The following BCAP29 variants were observed in gnomAD, a reference collection of about 807,000 sequenced individuals.
BCAP29 encodes B cell receptor associated protein 29, also known as B-cell receptor-associated protein 29.
Under a neutral mutation model 31.8 loss-of-function variants are expected in BCAP29, and 34 were observed. The observed-to-expected ratio is 1.07, with a 90% CI of 0.81 to 1.42. The LOEUF (loss-of-function observed/expected upper bound fraction) is 1.42, where lower values mean the gene tolerates loss of function less well. BCAP29 is among the 40% of genes most tolerant of loss of function. The probability of loss-of-function intolerance (pLI) is 0.00; values close to 1 mark genes in which losing one functional copy is unlikely to be tolerated. For synonymous variants in BCAP29, 104 were observed against 91.3 expected, an observed-to-expected ratio of 1.14 and a Z score of -0.79; for missense variants, 314 against 269.2, an observed-to-expected ratio of 1.17 and a Z score of -1.16.
intron 6 of BCAP29, among the ~76,000 whole-genome samples, chr7:107,606,310 A>G (rs1812082603): frequency 1.3e-5 from 2 of 152,368 alleles, no homozygotes; most frequent in African/African-American, 2.4e-5. Context: ...AATGTCTATT[A>G]TATAGCTCCA....
At chr7:107,612,397 ATATATATATATATATATATATATATAT>A (rs1813306932) in intron 6 of BCAP29, among the ~76,000 whole-genome samples, 2 of 18,980 alleles carry the variant, frequency 1.1e-4, no homozygotes, top group African/African-American at 2.7e-4. Context: ...TGTTTTATAT[ATATATATATATATATATATATATATAT>A]ATATATATAT....
rs192562234 is a variant in BCAP29 at position 107,619,805 on chromosome 7, A to G, written c.*1442A>G. ...ATAGATATTGAGTGCTTGGAATCCT[A>G]GCCTACTATGTGAAAATTAAGTCTA... On this transcript the variant is annotated 3_prime_UTR_variant, in exon 8 of 8. Transcript: ENST00000005259. 2.0e-5 allele frequency: 3 copies of G among 152,326 alleles called. No homozygotes were observed. The highest frequency in any genetic ancestry group is 4.4e-5 in the Non-Finnish European group (3 of 68,016). 9.4% of individuals were successfully genotyped at this position (152,326 alleles called of 1,614,324 possible).
chr7:107,603,753 G>A (rs146138583), intron 6 of BCAP29, among the ~76,000 whole-genome samples: 262 of 151,654 alleles, frequency 1.7e-3, no homozygotes, highest in African/African-American at 6.0e-3. Context: ...CTACATGTGT[G>A]CACCACCATG....
intron 6 of BCAP29, among the ~76,000 whole-genome samples, chr7:107,612,859 A>G (rs2395907): frequency 0.75 from 114,166 of 151,912 alleles, 43,213 homozygotes; most frequent in African/African-American, 0.85. Flanking sequence ...TGATAATGGT[A>G]GGGAATTATT....
rs1038192846 is a variant in BCAP29 at position 107,582,772 on chromosome 7, ACAC to A, written c.93-1106_93-1104del. ...TGAGAGATCTCTTACATTCCCTTTT[ACAC>A]CACACCAAACCTTGAAGAAATAAGT... is the stretch of plus-strand genomic sequence containing the variant. On this transcript the variant is annotated intron_variant, in intron 2 of 7. Transcript: ENST00000005259. 3.9e-5 allele frequency among the ~76,000 whole-genome samples: 6 copies of A among 152,172 alleles called. No individual in the cohort carries two copies. In the East Asian group the frequency reaches 9.6e-4, roughly 24 times the overall value.
chr7:107,605,040 A>G (rs1478453418), intron 6 of BCAP29, among the ~76,000 whole-genome samples: 1 of 152,174 alleles, frequency 6.6e-6, no homozygotes, highest in African/African-American at 2.4e-5. Flanking sequence ...GCTTGCTATC[A>G]GAGTACTTTT....
At chr7:107,599,107 T>G (rs1228801879) in intron 5 of BCAP29, among the ~76,000 whole-genome samples, 8 of 132,528 alleles carry the variant, frequency 6.0e-5, no homozygotes, top group Non-Finnish European at 1.3e-4. Context: ...TAAATATATA[T>G]TTATAAATAT....
chr7:107,607,895 C>G (rs1812410613), intron 6 of BCAP29, among the ~76,000 whole-genome samples: 1 of 152,120 alleles, frequency 6.6e-6, no homozygotes, highest in Non-Finnish European at 1.5e-5. Flanking sequence ...GCCTCGGCCT[C>G]CCAAAGTGCT....
chr7:107,598,269 G>A (rs1810209568), intron 5 of BCAP29, among the ~76,000 whole-genome samples: 1 of 152,146 alleles, frequency 6.6e-6, no homozygotes, highest in Non-Finnish European at 1.5e-5. Flanking sequence ...TCAACTTGAA[G>A]TAGGCAACAC....
chr7:107,609,183 A>C (rs1812688999), intron 6 of BCAP29, among the ~76,000 whole-genome samples: 1 of 152,216 alleles, frequency 6.6e-6, no homozygotes, highest in Non-Finnish European at 1.5e-5. Flanking sequence ...TAACCAAAGG[A>C]GTATGGCACT....
chr7:107,592,133 A>T (rs1313505182), intron 3 of BCAP29, among the ~76,000 whole-genome samples: 3 of 152,180 alleles, frequency 2.0e-5, no homozygotes, highest in Non-Finnish European at 4.4e-5. Flanking sequence ...CACCTTTTTA[A>T]AAAAGTATTA....
At chr7:107,597,682 T>G (rs1021395679) in intron 5 of BCAP29, among the ~76,000 whole-genome samples, 2 of 152,192 alleles carry the variant, frequency 1.3e-5, no homozygotes, top group African/African-American at 2.4e-5. Flanking sequence ...ACAAGATCAT[T>G]CAACTAATAT....
At chr7:107,614,072 T>C (rs900022872) in intron 7 of BCAP29, among the ~76,000 whole-genome samples, 1 of 152,204 alleles carries the variant, frequency 6.6e-6, no homozygotes, top group African/African-American at 2.4e-5. Context: ...CACACTCTGA[T>C]CAATTGGGGA....
intron 6 of BCAP29, among the ~76,000 whole-genome samples, chr7:107,607,799 C>G (rs1038202932): frequency 6.6e-6 from 1 of 151,882 alleles, no homozygotes; most frequent in African/African-American, 2.4e-5. Context: ...ACCACCATGC[C>G]CAGCTAATTT....
intron 6 of BCAP29, among the ~76,000 whole-genome samples, chr7:107,603,135 A>G (rs1284068777): frequency 6.6e-6 from 1 of 151,732 alleles, no homozygotes; most frequent in Non-Finnish European, 1.5e-5. Context: ...ACGCCTGGCT[A>G]ATTTTTTTGT....
At position 107,613,439 on chromosome 7, in the gene BCAP29, G is replaced by A. The variant is rs1265800563; in HGVS notation, c.690+7G>A. 1 of 1,584,076 alleles carries A rather than the reference G, an allele frequency of 6.3e-7. No homozygotes were observed. The highest frequency in any genetic ancestry group is 1.3e-5 in the African/African-American group (1 of 74,168). On this transcript the variant is annotated splice_region_variant and intron_variant, in intron 7 of 7. Transcript: ENST00000005259. The stretch of plus-strand genomic sequence containing the variant: ...AGAACACTCTGAACTTCAGGTGGGT[G>A]TGACATGCACTTTATGCACCTAAAT...
Position 107,619,369 on chromosome 7 carries a change from G to T in BCAP29, c.*1006G>T, listed in dbSNP as rs1334087308. The T allele has an allele frequency of 6.6e-6, 1 of 152,232 alleles. No homozygotes were observed. Among genetic ancestry groups the T allele is most frequent in the Non-Finnish European group, 1.5e-5 (1 of 67,938 alleles). 9.4% of individuals were successfully genotyped at this position (152,232 alleles called of 1,614,324 possible). On this transcript the variant is annotated 3_prime_UTR_variant, in exon 8 of 8. Coordinates refer to ENST00000005259, the MANE Select transcript of BCAP29 (RefSeq NM_018844.4). The stretch of plus-strand genomic sequence containing the variant: ...ATGGCAGTGATTATAATATTAATAT[G>T]ATTTCATTTGTTCCAGTGTTTAGAC...
At chr7:107,622,890 C>G (rs1437926872), downstream of BCAP29, 1 of 152,098 alleles carries the variant, frequency 6.6e-6, no homozygotes, top group Non-Finnish European at 1.5e-5. Context: ...CTGGTTGTAC[C>G]CCAGTATCCA....
chr7:107,583,795 TA>T, intron 2 of BCAP29, 86 bp from the exon 3 acceptor site: 1 of 562,566 alleles, frequency 1.8e-6, no homozygotes, highest in Non-Finnish European at 3.0e-6. Context: ...GCTACACAAT[TA>T]CTAAAATGTT....
Sources: allele counts gnomAD v4.1 joint callset (sites outside exome capture counted in the v4.1 genomes callset), GRCh38; gene constraint gnomAD v4.1.1; transcripts MANE v1.5; gene names NCBI Gene and HGNC (gene_info 2026-07-23, HGNC 2026-07-21).